AOPEP: variants seen among roughly 807,000 people sequenced by gnomAD.
The protein encoded by AOPEP is aminopeptidase O (putative), also known as aminopeptidase O.
AOPEP carries 77 observed loss-of-function variants against 98.1 expected under a neutral mutation model. That is an observed-to-expected ratio of 0.78 (90% confidence interval 0.65 to 0.95). The LOEUF (loss-of-function observed/expected upper bound fraction) is 0.95. Ranked by LOEUF, AOPEP falls within the 40% of genes least tolerant of loss-of-function variation. AOPEP has a pLI of 0.00. For synonymous variants in AOPEP, 346 were observed against 365.3 expected, an observed-to-expected ratio of 0.95 and a Z score of 0.60; for missense variants, 1,024 against 1,024.7, an observed-to-expected ratio of 1.00 and a Z score of 0.01.
intron 13 of AOPEP, among the ~76,000 whole-genome samples, chr9:95,025,067 T>A (rs144275798): frequency 2.8e-4 from 43 of 152,292 alleles, no homozygotes; most frequent in African/African-American, 9.9e-4. Context: ...ATATTTGGGA[T>A]CTCAATCAAC....
the AOPEP span, among the ~76,000 whole-genome samples, chr9:95,117,928 G>T: frequency 6.6e-6 from 1 of 152,090 alleles, no homozygotes; most frequent in Non-Finnish European, 1.5e-5. Flanking sequence ...CTCCATGTTG[G>T]TCAGGCTGGT....
intron 13 of AOPEP, among the ~76,000 whole-genome samples, chr9:95,021,421 T>G (rs1319194084): frequency 2.0e-5 from 3 of 152,226 alleles, no homozygotes; most frequent in African/African-American, 7.2e-5. Context: ...GGCACCTGCC[T>G]TTCCCTGCCT....
intron 5 of AOPEP, among the ~76,000 whole-genome samples, chr9:94,919,481 C>G (rs1032971660): frequency 2.0e-5 from 3 of 152,158 alleles, no homozygotes; most frequent in Non-Finnish European, 4.4e-5. Flanking sequence ...GGCCACCCCC[C>G]CACTTTGGCT....
intron 15 of AOPEP, 133 bp from the exon 16 acceptor site, chr9:95,082,442 C>G: frequency 1.0e-6 from 1 of 971,584 alleles, no homozygotes; most frequent in Non-Finnish European, 1.5e-6. Context: ...CCCACGGCCT[C>G]TGTCTTCTCT....
chr9:94,745,961 G>A (rs1834384449), intron 1 of AOPEP, among the ~76,000 whole-genome samples: 1 of 152,150 alleles, frequency 6.6e-6, no homozygotes, highest in South Asian at 2.1e-4. Context: ...CTTCATAGTG[G>A]TTGTGCTAAT....
chr9:95,052,869 A>G (rs1464906051), intron 13 of AOPEP, among the ~76,000 whole-genome samples: 1 of 152,208 alleles, frequency 6.6e-6, no homozygotes, highest in Non-Finnish European at 1.5e-5. Flanking sequence ...CTTCCTATAT[A>G]TCTGTTTACA....
At chr9:94,846,560 G>C (rs575936472) in intron 5 of AOPEP, among the ~76,000 whole-genome samples, 2 of 152,266 alleles carry the variant, frequency 1.3e-5, no homozygotes, top group African/African-American at 4.8e-5. Context: ...ATGTTTTAAG[G>C]GAACAGTCTA....
chr9:95,137,302 C>A, the AOPEP span, among the ~76,000 whole-genome samples: 1 of 152,032 alleles, frequency 6.6e-6, no homozygotes, highest in Non-Finnish European at 1.5e-5. Flanking sequence ...CCAGGGTTGA[C>A]CGTGGGGCAA....
chr9:95,011,249 C>T (rs141594938), intron 13 of AOPEP, among the ~76,000 whole-genome samples: 1 of 147,324 alleles, frequency 6.8e-6, no homozygotes, highest in Non-Finnish European at 1.5e-5. Context: ...CGAAGTCTCA[C>T]TCTGTCCCCC....
intron 5 of AOPEP, among the ~76,000 whole-genome samples, chr9:94,896,252 C>A (rs1248001222): frequency 6.6e-6 from 1 of 152,090 alleles, no homozygotes; most frequent in Non-Finnish European, 1.5e-5. Context: ...AAGAAGAGCT[C>A]CCATTTAGAA....
At chr9:94,797,007 G>C (rs1410987342) in intron 4 of AOPEP, among the ~76,000 whole-genome samples, 1 of 152,312 alleles carries the variant, frequency 6.6e-6, no homozygotes, top group East Asian at 1.9e-4. Context: ...CATTGAGACT[G>C]ATTATTTGAA....
chr9:95,122,471 G>A, the AOPEP span, among the ~76,000 whole-genome samples: 1 of 152,160 alleles, frequency 6.6e-6, no homozygotes, highest in Non-Finnish European at 1.5e-5. Context: ...GCAGGCATTG[G>A]CAAAGCAAAG....
the AOPEP span, chr9:95,125,196 C>T: frequency 6.2e-7 from 1 of 1,607,550 alleles, no homozygotes; most frequent in East Asian, 2.2e-5. Flanking sequence ...CTGAACAATG[C>T]AAAGTCAGAT....
intron 5 of AOPEP, among the ~76,000 whole-genome samples, chr9:94,833,037 G>C (rs1261902294): frequency 1.3e-5 from 2 of 151,546 alleles, no homozygotes; most frequent in East Asian, 3.9e-4. Flanking sequence ...CTGGGTTCAA[G>C]CGATTCTGCT....
rs141713063 is a variant in AOPEP at position 94,799,085 on chromosome 9, T to G, written c.1119-1672T>G. On this transcript the variant is annotated intron_variant, in intron 4 of 16. Coordinates refer to ENST00000375315, the MANE Select transcript of AOPEP (RefSeq NM_001193329.3). ...GGAAGCTGTGTTCTATGAACCATGCTGCTAGAAGGTGAGGCTTATCTGTAC... is the reference window on the plus strand; with the variant it reads ...GGAAGCTGTGTTCTATGAACCATGCGGCTAGAAGGTGAGGCTTATCTGTAC... Among the ~76,000 whole-genome samples, 5 of 152,386 alleles carry G rather than the reference T, an allele frequency of 3.3e-5. No homozygotes were observed. In the East Asian group the frequency reaches 9.6e-4, roughly 29 times the overall value.
intron 14 of AOPEP, among the ~76,000 whole-genome samples, chr9:95,067,493 A>C (rs1175124104): frequency 1.3e-5 from 2 of 152,238 alleles, no homozygotes; most frequent in Non-Finnish European, 2.9e-5. Flanking sequence ...GGTGGAAGCA[A>C]ATGCCCAGGC....
chr9:95,058,360 G>A (rs2067015834), intron 13 of AOPEP, among the ~76,000 whole-genome samples: 1 of 152,206 alleles, frequency 6.6e-6, no homozygotes, highest in South Asian at 2.1e-4. Flanking sequence ...ATAATATGGG[G>A]AGATGCTTTT....
intron 6 of AOPEP, among the ~76,000 whole-genome samples, chr9:94,926,286 C>T (rs897745209): frequency 3.3e-5 from 5 of 152,106 alleles, no homozygotes; most frequent in East Asian, 1.9e-4. Context: ...GTCAGAATTC[C>T]GAGGTAGGAG....
intron 5 of AOPEP, among the ~76,000 whole-genome samples, chr9:94,844,644 T>C (rs1771530825): frequency 6.6e-6 from 1 of 152,172 alleles, no homozygotes; most frequent in Non-Finnish European, 1.5e-5. Context: ...TTCCTGTCCT[T>C]CCTCCCCATG....
Sources: allele counts gnomAD v4.1 joint callset (sites outside exome capture counted in the v4.1 genomes callset), GRCh38; gene constraint gnomAD v4.1.1; transcripts MANE v1.5; gene names NCBI Gene and HGNC (gene_info 2026-07-23, HGNC 2026-07-21).